The following ANAPC1 variants were observed in gnomAD, a reference collection of about 807,000 sequenced individuals.
ANAPC1 encodes the protein anaphase-promoting complex subunit 1.
In ANAPC1, 36 loss-of-function variants were observed where a neutral mutation model predicts 208.0. The ratio of observed to expected loss-of-function variants is 0.17; its 90% confidence interval spans 0.13 to 0.23. The LOEUF is 0.23. Ranked by LOEUF, ANAPC1 falls within the 10% of genes least tolerant of loss-of-function variation. The probability of loss-of-function intolerance (pLI) is 1.00; values close to 1 mark genes in which losing one functional copy is unlikely to be tolerated. For missense variants in ANAPC1, 942 were observed against 2,011.6 expected (o/e 0.47, Z 10.17); for synonymous variants, 378 against 695.2 (o/e 0.54, Z 7.18).
intron 27 of ANAPC1, among the ~76,000 whole-genome samples, chr2:111,816,291 G>C (rs1679233893): frequency 6.8e-6 from 1 of 147,578 alleles, no homozygotes; most frequent in Non-Finnish European, 1.5e-5. Context: ...AAGGAAACAA[G>C]AACCTTAATA....
At chr2:111,882,567 T>C (rs1404486221) in intron 1 of ANAPC1, among the ~76,000 whole-genome samples, 1 of 147,926 alleles carries the variant, frequency 6.8e-6, no homozygotes, top group African/African-American at 2.5e-5. Context: ...CTGTCTCTAC[T>C]AAAAATACAA....
chr2:111,878,889 A>G lies in ANAPC1; in HGVS notation c.296T>C (p.Met99Thr), dbSNP rs1250339377. Residue 99 changes from methionine to threonine, a missense_variant, in exon 3 of 48, where the codon ATG becomes ACG. Coordinates refer to ENST00000341068, the MANE Select transcript of ANAPC1 (RefSeq NM_022662.4). ...TTTACTTCCTTTGCTCCATATCACC[A>G]TATTTCCAGCAACATAGAGTTCCTC... Reference protein sequence around the residue: ...YDEELYVAGNMVIWSKGSKSQ... With the variant: ...YDEELYVAGNTVIWSKGSKSQ... 10 of 1,606,948 alleles carry G rather than the reference A, an allele frequency of 6.2e-6. No homozygotes were observed. Among genetic ancestry groups the G allele is most frequent in the Admixed American group, 1.7e-5 (1 of 58,942 alleles).
In ANAPC1 at chr2:111,767,961, A is replaced by G. The variant is rs1027289338; in HGVS notation, c.*1330T>C. On this transcript the variant is annotated 3_prime_UTR_variant, in exon 48 of 48. Coordinates refer to ENST00000341068, the MANE Select transcript of ANAPC1 (RefSeq NM_022662.4). ...CTCCAGGTGCATGCCTTCCAAGTCTACTCTGCAGACGCAAATGTCATGTGG... is the reference window on the plus strand; with the variant it reads ...CTCCAGGTGCATGCCTTCCAAGTCTGCTCTGCAGACGCAAATGTCATGTGG... 5.9e-5 allele frequency: 9 copies of G among 152,074 alleles called. No homozygotes were observed. Among genetic ancestry groups the G allele is most frequent in the African/African-American group, 2.2e-4 (9 of 41,394 alleles). 9.4% of individuals were successfully genotyped at this position (152,074 alleles called of 1,614,324 possible).
At chr2:111,877,551 T>C (rs1455498838) in intron 3 of ANAPC1, among the ~76,000 whole-genome samples, 1 of 152,058 alleles carries the variant, frequency 6.6e-6, no homozygotes, top group African/African-American at 2.4e-5. Context: ...CCGAGGTGGG[T>C]GGGTAGATCA....
intron 38 of ANAPC1, among the ~76,000 whole-genome samples, chr2:111,791,180 A>T (rs1338338946): frequency 3.3e-5 from 5 of 151,546 alleles, no homozygotes; most frequent in Non-Finnish European, 5.9e-5. Context: ...ATGGTACTCA[A>T]GAACATTATT....
At chr2:111,770,044 G>A (rs1162552566) in intron 47 of ANAPC1, among the ~76,000 whole-genome samples, 7 of 147,888 alleles carry the variant, frequency 4.7e-5, no homozygotes, top group African/African-American at 1.2e-4. Context: ...CATTTCCTCT[G>A]AGCATCATGT....
At chr2:111,881,840 CT>C (rs1484571643) in intron 1 of ANAPC1, among the ~76,000 whole-genome samples, 6 of 152,202 alleles carry the variant, frequency 3.9e-5, no homozygotes, top group African/African-American at 1.4e-4. Context: ...TGTCCTATGA[CT>C]TCATCCTTCA....
intron 21 of ANAPC1, among the ~76,000 whole-genome samples, chr2:111,828,152 T>A (rs1265655409): frequency 6.6e-6 from 1 of 152,130 alleles, no homozygotes; most frequent in Non-Finnish European, 1.5e-5. Context: ...AGAAGATACG[T>A]AAATGGCCAA....
chr2:111,867,611 G>C (rs568923856), intron 7 of ANAPC1, among the ~76,000 whole-genome samples: 35 of 151,248 alleles, frequency 2.3e-4, no homozygotes, highest in Non-Finnish European at 4.9e-4. Flanking sequence ...ATAATCACTT[G>C]AACTCGGGAG....
rs1266870761 is a variant in ANAPC1 at position 111,767,702 on chromosome 2, C to G, written c.*1589G>C. On this transcript the variant is annotated 3_prime_UTR_variant, in exon 48 of 48. Coordinates refer to ENST00000341068, the MANE Select transcript of ANAPC1 (RefSeq NM_022662.4). ...AATCGTAAACAACGGAGAGTGAAGA[C>G]AGTAACAACTGGTTTGATATTGAAT... 7.8e-6 allele frequency: 1 copy of G among 128,230 alleles called. No homozygotes were observed. The highest frequency in any genetic ancestry group is 1.7e-5 in the Non-Finnish European group (1 of 60,260). The allele number at this position is 128,230 out of a possible 1,614,324, so 7.9% of individuals were successfully genotyped here. A position where few individuals can be genotyped will look rare whatever the true frequency, so the allele number is the denominator to read the frequency against.
chr2:111,847,232 C>G, intron 15 of ANAPC1, 34 bp from the exon 16 acceptor site: 1 of 1,545,834 alleles, frequency 6.5e-7, no homozygotes, highest in Non-Finnish European at 8.9e-7. Context: ...TAGATAAAAT[C>G]TGTGCATTCT....
chr2:111,882,794 A>C (rs962916210), intron 1 of ANAPC1, among the ~76,000 whole-genome samples: 13 of 152,106 alleles, frequency 8.5e-5, no homozygotes, highest in Non-Finnish European at 1.2e-4. Flanking sequence ...AACATGACAC[A>C]AGTTTTGTTC....
chr2:111,820,116 T>C (rs1168768015), intron 26 of ANAPC1, among the ~76,000 whole-genome samples: 3 of 152,242 alleles, frequency 2.0e-5, no homozygotes, highest in Non-Finnish European at 2.9e-5. Context: ...CCAATTAAAC[T>C]ATGACACCTG....
At chr2:111,833,091 C>T in intron 20 of ANAPC1, 129 bp downstream of exon 20, 2 of 1,325,178 alleles carry the variant, frequency 1.5e-6, no homozygotes, top group Non-Finnish European at 9.9e-7. Context: ...TAAAATCTGC[C>T]TGGTGGAAAG....
At chr2:111,829,839 C>A (rs779243193) in intron 21 of ANAPC1, among the ~76,000 whole-genome samples, 7 of 151,844 alleles carry the variant, frequency 4.6e-5, no homozygotes, top group Non-Finnish European at 1.0e-4. Context: ...GGAGGCTGAG[C>A]CAGGCGGATC....
chr2:111,848,804 T>C (rs1291242794), intron 14 of ANAPC1, among the ~76,000 whole-genome samples: 2 of 150,744 alleles, frequency 1.3e-5, no homozygotes, highest in Admixed American at 1.3e-4. Flanking sequence ...TAAACTGTGA[T>C]TTGAGGCAGC....
In ANAPC1 at chr2:111,825,002, G is replaced by C; in HGVS notation, c.2776C>G (p.Leu926Val). 6.2e-7 allele frequency: 1 copy of C among 1,613,888 alleles called. No individual in the cohort carries two copies. The highest frequency in any genetic ancestry group is 8.5e-7 in the Non-Finnish European group (1 of 1,179,868). Reference sequence around the variant, plus strand: ...ATCCAGACAACCAATCTTTCAGCTAGACTAGAAACAGATGTAGAATGCCTG... The same window carrying C: ...ATCCAGACAACCAATCTTTCAGCTACACTAGAAACAGATGTAGAATGCCTG... ...SFRHSTSVSS[L>V]AERLVVWMTN... Residue 926 changes from leucine to valine, a missense_variant, in exon 24 of 48, where the codon CTA (leucine) becomes GTA (valine). Leu to Val is a conservative substitution (Grantham distance 32). Coordinates refer to ENST00000341068, the MANE Select transcript of ANAPC1 (RefSeq NM_022662.4).
rs1467873331 is a variant in ANAPC1 at position 111,847,168 on chromosome 2, T to C, written c.1822A>G (p.Thr608Ala). 1.2e-6 allele frequency: 2 copies of C among 1,611,014 alleles called. No individual in the cohort carries two copies. Among genetic ancestry groups the C allele is most frequent in the Admixed American group, 3.3e-5 (2 of 59,946 alleles). ...ELSNGSMVRI[T>A]IPEIATSELV... ...TCAGAGGTGGCAATTTCAGGAATAG[T>C]GATCCTAACCATGGAGCCATTACTC... Residue 608 changes from threonine to alanine, a missense_variant, in exon 16 of 48, where the codon ACT becomes GCT. Coordinates refer to ENST00000341068, the MANE Select transcript of ANAPC1 (RefSeq NM_022662.4).
intron 21 of ANAPC1, 152 bp downstream of exon 21, chr2:111,831,134 G>C: frequency 1.7e-6 from 1 of 576,688 alleles, no homozygotes; most frequent in Non-Finnish European, 2.8e-6. Context: ...TGATGTAAAT[G>C]TTCTATATCC....
Sources: allele counts gnomAD v4.1 joint callset (sites outside exome capture counted in the v4.1 genomes callset), GRCh38; gene constraint gnomAD v4.1.1; transcripts MANE v1.5; gene names NCBI Gene and HGNC (gene_info 2026-07-23, HGNC 2026-07-21).